Variants in PARPBP observed in about 807,000 individuals in gnomAD.
PARPBP encodes the protein PCNA-interacting partner.
PARPBP carries 52 observed loss-of-function variants against 50.0 expected under a neutral mutation model. The observed-to-expected ratio is 1.04, with a 90% CI of 0.83 to 1.31. The LOEUF (loss-of-function observed/expected upper bound fraction) is 1.31, where lower values mean the gene tolerates loss of function less well. Ranked by LOEUF, PARPBP falls within the 50% of genes most tolerant of loss-of-function variation. The pLI is 0.00. For synonymous variants in PARPBP, 244 were observed against 232.1 expected, an observed-to-expected ratio of 1.05 and a Z score of -0.47; for missense variants, 697 against 672.0, an observed-to-expected ratio of 1.04 and a Z score of -0.41.
chr12:102,147,161 T>G (rs936913425), intron 2 of PARPBP, among the ~76,000 whole-genome samples: 15 of 152,176 alleles, frequency 9.9e-5, no homozygotes, highest in Middle Eastern at 3.4e-3. Flanking sequence ...TCAGTGTGGC[T>G]ATTCCTCGGA....
intron 9 of PARPBP, among the ~76,000 whole-genome samples, chr12:102,191,244 A>C (rs1044725451): frequency 3.3e-5 from 5 of 152,186 alleles, no homozygotes; most frequent in African/African-American, 1.2e-4. Flanking sequence ...AAATAAAGGC[A>C]TGACAATTAT....
chr12:102,132,789 T>A (rs898926185), intron 2 of PARPBP, among the ~76,000 whole-genome samples: 1 of 152,190 alleles, frequency 6.6e-6, no homozygotes, highest in African/African-American at 2.4e-5. Context: ...TTCATCAATA[T>A]GGGATAACTT....
intron 9 of PARPBP, among the ~76,000 whole-genome samples, chr12:102,186,984 G>C (rs1049355971): frequency 2.6e-5 from 4 of 151,554 alleles, no homozygotes; most frequent in African/African-American, 7.3e-5. Context: ...TTAACCCCAT[G>C]GTATTAGAAA....
At chr12:102,146,400 G>A (rs1176594311) in intron 2 of PARPBP, among the ~76,000 whole-genome samples, 7 of 151,532 alleles carry the variant, frequency 4.6e-5, no homozygotes, top group South Asian at 2.1e-4. Context: ...CAGAGCCCTC[G>A]GAAATAATGC....
At chr12:102,166,804 C>T (rs1158368298) in intron 6 of PARPBP, among the ~76,000 whole-genome samples, 1 of 151,936 alleles carries the variant, frequency 6.6e-6, no homozygotes, top group Non-Finnish European at 1.5e-5. Flanking sequence ...GGATTTTATT[C>T]TGAATTGCAG....
chr12:102,152,304 C>A (rs140728042), intron 3 of PARPBP, among the ~76,000 whole-genome samples: 2 of 152,130 alleles, frequency 1.3e-5, no homozygotes, highest in Non-Finnish European at 2.9e-5. Context: ...TAAAGATTTA[C>A]TCTCAAACTG....
chr12:102,134,565 G>A (rs1422178536), intron 2 of PARPBP, among the ~76,000 whole-genome samples: 1 of 152,184 alleles, frequency 6.6e-6, no homozygotes, highest in Non-Finnish European at 1.5e-5. Context: ...TCTTCCAAAA[G>A]CATGCAGAAG....
chr12:102,181,496 A>G (rs936346888), intron 8 of PARPBP, among the ~76,000 whole-genome samples: 4 of 152,226 alleles, frequency 2.6e-5, no homozygotes, highest in Non-Finnish European at 5.9e-5. Context: ...ACTAAATAGT[A>G]TAAAGAAATA....
intron 4 of PARPBP, among the ~76,000 whole-genome samples, chr12:102,158,155 T>G (rs1887168383): frequency 6.6e-6 from 1 of 150,540 alleles, no homozygotes; most frequent in Non-Finnish European, 1.5e-5. Context: ...AATAGTGAGC[T>G]TCTAATTCTG....
intron 4 of PARPBP, among the ~76,000 whole-genome samples, chr12:102,156,573 G>A (rs1158345009): frequency 1.3e-5 from 2 of 152,068 alleles, no homozygotes; most frequent in African/African-American, 4.8e-5. Flanking sequence ...GACAAGATGA[G>A]AATTTAAGAG....
At chr12:102,147,732 A>T (rs183644280) in intron 2 of PARPBP, among the ~76,000 whole-genome samples, 16 of 152,226 alleles carry the variant, frequency 1.1e-4, no homozygotes, top group East Asian at 1.9e-4. Context: ...AAAATAAAAA[A>T]AATTAATCTT....
At chr12:102,148,679 C>A in intron 3 of PARPBP, 1 of 396,654 alleles carries the variant, frequency 2.5e-6, no homozygotes, top group Non-Finnish European at 4.5e-6. Context: ...TATTTAGTTG[C>A]TATACGGATA....
chr12:102,170,149 G>T (rs921410717), intron 6 of PARPBP, among the ~76,000 whole-genome samples: 2 of 152,182 alleles, frequency 1.3e-5, no homozygotes, highest in African/African-American at 4.8e-5. Context: ...TCACCTGAAA[G>T]ATGTCTTAAA....
chr12:102,136,433 A>AT (rs1230708191), intron 2 of PARPBP, among the ~76,000 whole-genome samples: 3 of 152,300 alleles, frequency 2.0e-5, no homozygotes, highest in Middle Eastern at 3.4e-3. Flanking sequence ...AAATAAGTAG[A>AT]TTTTTTCAAC....
intron 3 of PARPBP, chr12:102,148,777 A>G: frequency 4.4e-6 from 1 of 227,954 alleles, no homozygotes; most frequent in Non-Finnish European, 8.4e-6. Flanking sequence ...TTGCTTTTGT[A>G]TTCACTTTCT....
chr12:102,148,173 A>C, intron 2 of PARPBP, 57 bp from the exon 3 acceptor site: 1 of 683,400 alleles, frequency 1.5e-6, no homozygotes, highest in Non-Finnish European at 2.4e-6. Context: ...GTTATAAGTT[A>C]TTGAATATTC....
intron 3 of PARPBP, among the ~76,000 whole-genome samples, chr12:102,152,933 CAAAAAAA>C (rs80188087): frequency 1.2e-5 from 1 of 80,470 alleles, no homozygotes; most frequent in African/African-American, 5.0e-5. Context: ...AACAGTAAAA[CAAAAAAA>C]AAAAAAAAGG....
intron 5 of PARPBP, among the ~76,000 whole-genome samples, chr12:102,165,156 G>A (rs929975616): frequency 2.0e-5 from 3 of 152,146 alleles, no homozygotes; most frequent in African/African-American, 4.8e-5. Flanking sequence ...GAACACTTAC[G>A]TACAGCTATC....
At chr12:102,188,035 A>G (rs572826592) in intron 9 of PARPBP, among the ~76,000 whole-genome samples, 4 of 152,276 alleles carry the variant, frequency 2.6e-5, no homozygotes, top group African/African-American at 9.6e-5. Flanking sequence ...GTGTTAGCCC[A>G]TGTAAAGGAA....
Sources: gnomAD v4.1 joint callset for allele counts (sites outside exome capture counted in the v4.1 genomes callset) on GRCh38, gnomAD v4.1.1 for gene constraint, MANE v1.5 for transcripts, NCBI Gene and HGNC (gene_info 2026-07-23, HGNC 2026-07-21) for gene names.